ZNF423: variants seen among roughly 807,000 people sequenced by gnomAD.
ZNF423 encodes the protein zinc finger protein 423, also known as Ebf-associated zinc finger protein.
ZNF423 carries 12 observed loss-of-function variants against 95.8 expected under a neutral mutation model. The observed-to-expected ratio is 0.13, with a 90% CI of 0.08 to 0.20. The LOEUF is 0.20. ZNF423 is among the 10% of genes least tolerant of loss of function. ZNF423 has a pLI of 1.00. For missense variants in ZNF423, 1,316 were observed against 1,737.1 expected (o/e 0.76, Z 4.31); for synonymous variants, 749 against 711.9 (o/e 1.05, Z -0.83).
intron 1 of ZNF423, among the ~76,000 whole-genome samples, chr16:49,807,635 C>A (rs897103438): frequency 4.5e-4 from 69 of 152,170 alleles, no homozygotes; most frequent in Admixed American, 1.8e-3. Context: ...CCGACTTGGC[C>A]CCATTGCCCA....
chr16:49,658,562 C>T (rs915801023), intron 3 of ZNF423, among the ~76,000 whole-genome samples: 9 of 152,252 alleles, frequency 5.9e-5, no homozygotes, highest in Non-Finnish European at 7.3e-5. Context: ...GAAGGCTGCC[C>T]CAGCCCTGCC....
chr16:49,670,159 C>T (rs2030742574), intron 3 of ZNF423, among the ~76,000 whole-genome samples: 1 of 152,166 alleles, frequency 6.6e-6, no homozygotes, highest in Non-Finnish European at 1.5e-5. Context: ...TGCTGCAGCC[C>T]AGCAGTTCTG....
chr16:49,844,197 G>A (rs933562), intron 1 of ZNF423, among the ~76,000 whole-genome samples: 6,901 of 151,982 alleles, frequency 0.045, 215 homozygotes, highest in Non-Finnish European at 0.068. Flanking sequence ...AAGGAGGATA[G>A]CTTGAGCCCA....
chr16:49,848,646 T>C (rs2035270307), intron 1 of ZNF423, among the ~76,000 whole-genome samples: 1 of 152,206 alleles, frequency 6.6e-6, no homozygotes, highest in African/African-American at 2.4e-5. Context: ...ATTCAGAAGA[T>C]GACATGAACA....
intron 5 of ZNF423, among the ~76,000 whole-genome samples, chr16:49,549,632 T>C (rs899067423): frequency 5.3e-5 from 8 of 152,312 alleles, no homozygotes; most frequent in African/African-American, 1.9e-4. Flanking sequence ...ACATGGAGCA[T>C]GGATTGTGTG....
At chr16:49,677,174 C>T (rs558893185) in intron 3 of ZNF423, among the ~76,000 whole-genome samples, 26 of 145,874 alleles carry the variant, frequency 1.8e-4, no homozygotes, top group African/African-American at 5.6e-4. Context: ...GTCATCATCA[C>T]GCCACTGAAC....
intron 5 of ZNF423, among the ~76,000 whole-genome samples, chr16:49,619,511 T>C (rs1971985841): frequency 6.6e-6 from 1 of 152,168 alleles, no homozygotes; most frequent in African/African-American, 2.4e-5. Context: ...AACCAAGTCC[T>C]TTGGGCTGGT....
intron 3 of ZNF423, among the ~76,000 whole-genome samples, chr16:49,697,534 T>C (rs948347915): frequency 6.6e-6 from 1 of 151,914 alleles, no homozygotes; most frequent in African/African-American, 2.4e-5. Context: ...GCGTCTCGTA[T>C]GCCAGACTGA....
At chr16:49,674,759 G>T (rs1013297661) in intron 3 of ZNF423, among the ~76,000 whole-genome samples, 1 of 152,182 alleles carries the variant, frequency 6.6e-6, no homozygotes, top group African/African-American at 2.4e-5. Flanking sequence ...AGATGGGAAG[G>T]CAGGGAAGAG....
chr16:49,494,267 T>C (rs1254034623), intron 7 of ZNF423, among the ~76,000 whole-genome samples: 2 of 152,180 alleles, frequency 1.3e-5, no homozygotes, highest in Non-Finnish European at 2.9e-5. Flanking sequence ...AAGAAAGAAC[T>C]TCCTCCTAGA....
intron 1 of ZNF423, among the ~76,000 whole-genome samples, chr16:49,829,568 G>A (rs1386703834): frequency 1.3e-5 from 2 of 152,214 alleles, no homozygotes; most frequent in Non-Finnish European, 1.5e-5. Flanking sequence ...CCTGGCTTCA[G>A]CGGGCACCTA....
intron 5 of ZNF423, among the ~76,000 whole-genome samples, chr16:49,533,643 G>A (rs896206593): frequency 3.3e-5 from 5 of 152,172 alleles, no homozygotes; most frequent in Non-Finnish European, 4.4e-5. Context: ...GACGGCCCCC[G>A]ACTAGCCCTT....
chr16:49,600,096 G>A (rs951241048), intron 5 of ZNF423, among the ~76,000 whole-genome samples: 1 of 152,186 alleles, frequency 6.6e-6, no homozygotes, highest in Admixed American at 6.5e-5. Context: ...TGAGGCACTT[G>A]AGGTCAGGAG....
chr16:49,748,242 G>A (rs566124455), intron 2 of ZNF423, among the ~76,000 whole-genome samples: 2 of 152,354 alleles, frequency 1.3e-5, no homozygotes, highest in South Asian at 4.1e-4. Flanking sequence ...GGTGATTAAA[G>A]TCATGCACAT....
At chr16:49,856,996 A>T (rs920815181), upstream of ZNF423, among the ~76,000 whole-genome samples, 1 of 143,618 alleles carries the variant, frequency 7.0e-6, no homozygotes, top group African/African-American at 2.6e-5. Flanking sequence ...TCCGCGCTCC[A>T]GCCGGCGCCG....
intron 3 of ZNF423, among the ~76,000 whole-genome samples, chr16:49,711,004 C>T (rs879502732): frequency 8.5e-5 from 13 of 152,052 alleles, no homozygotes; most frequent in African/African-American, 2.9e-4. Context: ...CTCTGTGGGC[C>T]CCTCAAGCAC....
At chr16:49,731,693 T>G (rs2033172830) in intron 2 of ZNF423, among the ~76,000 whole-genome samples, 1 of 152,096 alleles carries the variant, frequency 6.6e-6, no homozygotes. Context: ...TATAGTGGTG[T>G]GTGCCTGTAG....
At chr16:49,732,748 A>T (rs1399518729) in intron 2 of ZNF423, among the ~76,000 whole-genome samples, 2 of 152,266 alleles carry the variant, frequency 1.3e-5, no homozygotes, top group African/African-American at 2.4e-5. Flanking sequence ...AGATAATGTT[A>T]TAAGGGCTCT....
chr16:49,649,692 G>A (rs1431985742), intron 3 of ZNF423, among the ~76,000 whole-genome samples: 2 of 149,410 alleles, frequency 1.3e-5, no homozygotes, highest in African/African-American at 4.9e-5. Flanking sequence ...GAGAGAGAGA[G>A]AATCCCTTCA....
Sources: gnomAD v4.1 joint callset for allele counts (sites outside exome capture counted in the v4.1 genomes callset) on GRCh38, gnomAD v4.1.1 for gene constraint, MANE v1.5 for transcripts, NCBI Gene and HGNC (gene_info 2026-07-23, HGNC 2026-07-21) for gene names.